MYO9B: variants seen among roughly 807,000 people sequenced by gnomAD.
The protein encoded by MYO9B is unconventional myosin-IXb.
In MYO9B, 71 loss-of-function variants were observed where a neutral mutation model predicts 229.5. The ratio of observed to expected loss-of-function variants is 0.31; its 90% CI spans 0.26 to 0.38. MYO9B has a LOEUF of 0.38. Among genes scored for constraint, MYO9B ranks in the 10% least tolerant of loss-of-function variants. The probability of loss-of-function intolerance (pLI) is 1.00; values close to 1 mark genes in which losing one functional copy is unlikely to be tolerated. For missense variants in MYO9B, 2,255 were observed against 2,920.5 expected (o/e 0.77, Z 5.25); for synonymous variants, 1,185 against 1,235.8 (o/e 0.96, Z 0.86).
At chr19:17,184,615 G>A (rs10425356) in intron 16 of MYO9B, 22,488 of 436,194 alleles carry the variant, frequency 0.052, 1,510 homozygotes, top group African/African-American at 0.22. Context: ...AGGAAATGGG[G>A]CAGCCACTCA....
intron 24 of MYO9B, among the ~76,000 whole-genome samples, chr19:17,199,826 G>A (rs781279897): frequency 7.3e-5 from 11 of 149,686 alleles, no homozygotes; most frequent in Non-Finnish European, 1.3e-4. Flanking sequence ...TTACATAGGC[G>A]TGAGCCACCA....
chr19:17,110,877 G>C (rs2057841389), intron 2 of MYO9B, among the ~76,000 whole-genome samples: 1 of 152,064 alleles, frequency 6.6e-6, no homozygotes, highest in Non-Finnish European at 1.5e-5. Context: ...CCCCTCTTGG[G>C]GCAAAGGAAC....
At chr19:17,154,444 C>G in intron 6 of MYO9B, 29 bp downstream of exon 6, 1 of 1,572,234 alleles carries the variant, frequency 6.4e-7, no homozygotes, top group Non-Finnish European at 8.7e-7. Context: ...GGGGCCTGTC[C>G]CCCAGAGCCT....
chr19:17,134,182 C>G (rs991241107), intron 2 of MYO9B, among the ~76,000 whole-genome samples: 7 of 151,988 alleles, frequency 4.6e-5, no homozygotes, highest in Non-Finnish European at 1.0e-4. Flanking sequence ...ATAGTGAACA[C>G]TGTATCCAAT....
chr19:17,182,703 G>A (rs1409478830), intron 15 of MYO9B, among the ~76,000 whole-genome samples: 1 of 152,050 alleles, frequency 6.6e-6, no homozygotes, highest in South Asian at 2.1e-4. Flanking sequence ...ACCCCACAGG[G>A]ATTCAGGTGA....
chr19:17,157,148 A>T, intron 7 of MYO9B, 110 bp downstream of exon 7: 1 of 1,326,482 alleles, frequency 7.5e-7, no homozygotes, highest in African/African-American at 1.5e-5. Flanking sequence ...GGTTTCATCA[A>T]CCAGGACCTC....
intron 13 of MYO9B, among the ~76,000 whole-genome samples, chr19:17,173,551 G>T (rs1378282641): frequency 6.6e-6 from 1 of 152,024 alleles, no homozygotes; most frequent in Non-Finnish European, 1.5e-5. Context: ...TGATCCGCCC[G>T]CCTCTGACTC....
At chr19:17,087,100 G>A (rs1277657164) in intron 1 of MYO9B, among the ~76,000 whole-genome samples, 1 of 152,158 alleles carries the variant, frequency 6.6e-6, no homozygotes, top group East Asian at 1.9e-4. Flanking sequence ...CTGGCCCGGG[G>A]TGAGCACTGA....
At position 17,212,405 on chromosome 19, in the gene MYO9B, G is replaced by A; in HGVS notation, c.*95G>A. 1 of 1,350,412 alleles carries A rather than the reference G, an allele frequency of 7.4e-7. No homozygotes were observed. The highest frequency in any genetic ancestry group is 2.7e-5 in the East Asian group (1 of 37,064). 83.7% of individuals were successfully genotyped at this position (1,350,412 alleles called of 1,614,324 possible). ...GAGCTAGTGTTCGGCCCTCAGAGAA[G>A]GATCCAGAATCAAAAGCTCAAGAGT... On this transcript the variant is annotated 3_prime_UTR_variant, in exon 40 of 40. Coordinates refer to ENST00000682292, the MANE Select transcript of MYO9B (RefSeq NM_004145.4). This position sits in a 1 kb window ranked among gnomAD's most constrained non-coding sequence, Gnocchi z 5.4.
rs371334047 is a variant in MYO9B at position 17,081,739 on chromosome 19, G to A, written c.-59+5865G>A. Among the ~76,000 whole-genome samples the A allele has an allele frequency of 1.5e-3, 229 of 150,294 alleles. 1 individual carries two copies. The highest frequency in any genetic ancestry group is 5.3e-3 in the African/African-American group (216 of 40,898). On this transcript the variant is annotated intron_variant, in intron 1 of 39. Transcript: ENST00000682292. ...CAGAAGAATTGCTTGAACCCAGGAG[G>A]CAGAGGTTGCAGTGAGCCGTGATCT...
chr19:17,102,052 G>T lies in MYO9B; in HGVS notation c.335G>T (p.Arg112Leu). The change falls in exon 2 of 40, where the codon CGC (arginine) becomes CTC (leucine). Residue 112 changes from arginine to leucine, a missense_variant. Coordinates refer to ENST00000682292, the MANE Select transcript of MYO9B (RefSeq NM_004145.4). ...GGCTACTACTTCCTGCTGCAGGAGC[G>T]CAACGCAGATGGAACCATCAAGTAC... ...EDGYYFLLQE[R>L]NADGTIKYVH... 1 of 1,612,308 alleles carries T rather than the reference G, an allele frequency of 6.2e-7. No homozygotes were observed. The highest frequency in any genetic ancestry group is 8.5e-7 in the Non-Finnish European group (1 of 1,179,872).
Position 17,182,936 on chromosome 19 carries a change from T to G in MYO9B, c.2334-893T>G, listed in dbSNP as rs530941496. Among the ~76,000 whole-genome samples, 9 of 151,606 alleles carry G rather than the reference T, an allele frequency of 5.9e-5. No individual in the cohort carries two copies. In the East Asian group the frequency reaches 9.7e-4, roughly 16 times the overall value. Reference sequence around the variant, plus strand: ...GAGCAGCTTTGGGTTTTGGGGGGGGTTTTGAGACAGAGTCTCTCTCTGTCA... The same window carrying G: ...GAGCAGCTTTGGGTTTTGGGGGGGGGTTTGAGACAGAGTCTCTCTCTGTCA... On this transcript the variant is annotated intron_variant, in intron 15 of 39. Transcript: ENST00000682292.
At chr19:17,174,961 T>A (rs8112923) in intron 13 of MYO9B, among the ~76,000 whole-genome samples, 65,913 of 150,848 alleles carry the variant, frequency 0.44, 17,244 homozygotes, top group African/African-American at 0.74. Flanking sequence ...AATAATAAAT[T>A]AATTAATTAA....
intron 15 of MYO9B, among the ~76,000 whole-genome samples, chr19:17,182,467 A>C (rs1237074642): frequency 6.6e-6 from 1 of 151,330 alleles, no homozygotes; most frequent in Non-Finnish European, 1.5e-5. Flanking sequence ...GCAGTGGCTC[A>C]ATCTTGGCTC....
At chr19:17,117,845 G>A (rs1251345205) in intron 2 of MYO9B, among the ~76,000 whole-genome samples, 1 of 150,862 alleles carries the variant, frequency 6.6e-6, no homozygotes, top group African/African-American at 2.4e-5. Flanking sequence ...AGCTGAGGCA[G>A]GAGAATGGCT....
chr19:17,158,657 C>A (rs1050509808), intron 7 of MYO9B, among the ~76,000 whole-genome samples: 1 of 151,710 alleles, frequency 6.6e-6, no homozygotes, highest in Non-Finnish European at 1.5e-5. Flanking sequence ...GGGCAGAGAC[C>A]ACCAGCTCTG....
chr19:17,203,738 C>A (rs1294104588), intron 30 of MYO9B, among the ~76,000 whole-genome samples: 1 of 152,016 alleles, frequency 6.6e-6, no homozygotes, highest in Non-Finnish European at 1.5e-5. Flanking sequence ...GAGCCCAATT[C>A]TCAGCTGGCC....
Position 17,152,710 on chromosome 19 carries a change from G to A in MYO9B, c.998+4G>A, listed in dbSNP as rs769202741. On this transcript the variant is annotated splice_donor_region_variant and intron_variant, in intron 4 of 39. Coordinates refer to ENST00000682292, the MANE Select transcript of MYO9B (RefSeq NM_004145.4). ...TGTCTCAGGAGAAGGATGAGAGGTAGGAGAATGTTTTCCCAGGAATCTCTG... is the reference window on the plus strand; with the variant it reads ...TGTCTCAGGAGAAGGATGAGAGGTAAGAGAATGTTTTCCCAGGAATCTCTG... 6 of 1,610,970 alleles carry A rather than the reference G, an allele frequency of 3.7e-6. No homozygotes were observed. The highest frequency in any genetic ancestry group is 3.4e-6 in the Non-Finnish European group (4 of 1,178,098).
intron 1 of MYO9B, among the ~76,000 whole-genome samples, chr19:17,100,421 C>T (rs949144491): frequency 3.3e-5 from 5 of 151,980 alleles, no homozygotes; most frequent in African/African-American, 1.2e-4. Flanking sequence ...TGCAGTGAGC[C>T]GAGATCACAC....
Sources: gnomAD v4.1 joint callset for allele counts (sites outside exome capture counted in the v4.1 genomes callset) on GRCh38, gnomAD v4.1.1 for gene constraint, Gnocchi (gnomAD v3.1) non-coding constraint, MANE v1.5 for transcripts, NCBI Gene and HGNC (gene_info 2026-07-23, HGNC 2026-07-21) for gene names.